Variants in MYT1L observed in about 807,000 individuals in gnomAD.
The protein encoded by MYT1L is myelin transcription factor 1 like.
Under a neutral mutation model 126.7 loss-of-function variants are expected in MYT1L, and 12 were observed. The observed-to-expected ratio is 0.09, with a 90% CI of 0.06 to 0.15. The LOEUF is 0.15. MYT1L is among the 10% of genes least tolerant of loss of function. MYT1L has a pLI of 1.00. For missense variants in MYT1L, 979 were observed against 1,585.2 expected (o/e 0.62, Z 6.49); for synonymous variants, 541 against 604.2 (o/e 0.90, Z 1.53).
At chr2:1,817,776 C>T (rs763914768) in intron 21 of MYT1L, among the ~76,000 whole-genome samples, 8 of 152,198 alleles carry the variant, frequency 5.3e-5, no homozygotes, top group Non-Finnish European at 1.2e-4. Context: ...GGTCAGCCCA[C>T]GGCTGGTCCC....
At chr2:1,932,279 G>T (rs1211946176) in intron 9 of MYT1L, among the ~76,000 whole-genome samples, 1 of 152,178 alleles carries the variant, frequency 6.6e-6, no homozygotes, top group African/African-American at 2.4e-5. Context: ...ACCTAGGTGA[G>T]ATATGGAGGT....
chr2:2,329,645 C>T (rs1220478183), intron 1 of MYT1L, among the ~76,000 whole-genome samples: 1 of 151,940 alleles, frequency 6.6e-6, no homozygotes, highest in Non-Finnish European at 1.5e-5. Flanking sequence ...TATATAACAA[C>T]TGTTATTGTT....
intron 4 of MYT1L, among the ~76,000 whole-genome samples, chr2:2,034,286 C>A (rs1308486196): frequency 4.0e-5 from 6 of 151,800 alleles, no homozygotes; most frequent in Non-Finnish European, 7.4e-5. Flanking sequence ...CCTAACTTCT[C>A]CCCATAATCT....
At chr2:1,850,812 C>T (rs895304631) in intron 19 of MYT1L, among the ~76,000 whole-genome samples, 8 of 152,086 alleles carry the variant, frequency 5.3e-5, no homozygotes, top group African/African-American at 9.7e-5. Flanking sequence ...TGGTGCTTCC[C>T]GTGGGGAATT....
chr2:1,936,445 G>A (rs1313057684), intron 9 of MYT1L, among the ~76,000 whole-genome samples: 1 of 152,156 alleles, frequency 6.6e-6, no homozygotes, highest in African/African-American at 2.4e-5. Context: ...GTACTTCAAC[G>A]TAGCTGCACA....
At chr2:2,260,202 T>G (rs1483275276) in intron 2 of MYT1L, among the ~76,000 whole-genome samples, 1 of 152,212 alleles carries the variant, frequency 6.6e-6, no homozygotes, top group African/African-American at 2.4e-5. Context: ...TGATGTGTGA[T>G]GCTGAAAAAT....
chr2:2,173,592 G>A (rs951844808), intron 2 of MYT1L, among the ~76,000 whole-genome samples: 11 of 152,120 alleles, frequency 7.2e-5, no homozygotes, highest in African/African-American at 2.7e-4. Context: ...GTTTTAATTT[G>A]AAGAAGAAAT....
chr2:2,157,444 T>C (rs2086914767), intron 3 of MYT1L, among the ~76,000 whole-genome samples: 2 of 152,206 alleles, frequency 1.3e-5, no homozygotes, highest in Non-Finnish European at 2.9e-5. Flanking sequence ...TTTTTGTCAC[T>C]TTTAGGGGAA....
At chr2:2,132,105 C>T (rs930269694) in intron 3 of MYT1L, among the ~76,000 whole-genome samples, 2 of 151,590 alleles carry the variant, frequency 1.3e-5, no homozygotes. Context: ...ATGGGGGTTT[C>T]ACCACATTGG....
At chr2:1,973,808 C>G (rs543546607) in intron 8 of MYT1L, among the ~76,000 whole-genome samples, 1 of 152,294 alleles carries the variant, frequency 6.6e-6, no homozygotes, top group Non-Finnish European at 1.5e-5. Flanking sequence ...CTGCATTAGG[C>G]AATGAGCTCA....
intron 18 of MYT1L, among the ~76,000 whole-genome samples, chr2:1,853,123 G>C (rs1420939168): frequency 6.6e-6 from 1 of 152,236 alleles, no homozygotes. Context: ...CTAGATCTCA[G>C]GGTATAGAAG....
At chr2:1,838,511 C>A (rs1453011120) in intron 21 of MYT1L, among the ~76,000 whole-genome samples, 1 of 152,172 alleles carries the variant, frequency 6.6e-6, no homozygotes, top group Non-Finnish European at 1.5e-5. Context: ...TCTTCCCCTC[C>A]ACCTCCTCAA....
Position 1,863,203 on chromosome 2 carries a change from C to G in MYT1L, c.2712-11500G>C, listed in dbSNP as rs550887749. Among the ~76,000 whole-genome samples, 218 of 152,258 alleles carry G rather than the reference C, an allele frequency of 1.4e-3. 1 individual carries two copies. Among genetic ancestry groups the G allele is most frequent in the Middle Eastern group, 0.014 (4 of 294 alleles). On this transcript the variant is annotated intron_variant, in intron 18 of 24. Coordinates refer to ENST00000647738, the MANE Select transcript of MYT1L (RefSeq NM_001303052.2). ...TCTATTGGGTGCCTTAACCAAAGAT[C>G]CCTAACTCAGGAGAACTGAGTGTGG... is the stretch of plus-strand genomic sequence containing the variant.
intron 3 of MYT1L, among the ~76,000 whole-genome samples, chr2:2,136,968 G>A (rs1275623474): frequency 6.6e-6 from 1 of 152,148 alleles, no homozygotes; most frequent in African/African-American, 2.4e-5. Context: ...ATCTCCTTAA[G>A]CTGATAAGAA....
At chr2:2,083,191 ACCTGC>A (rs748402203) in intron 3 of MYT1L, among the ~76,000 whole-genome samples, 1 of 152,230 alleles carries the variant, frequency 6.6e-6, no homozygotes, top group Non-Finnish European at 1.5e-5. Flanking sequence ...TTGAAGAAAT[ACCTGC>A]CCTTCCTAAG....
At chr2:2,075,274 G>A (rs2075088112) in intron 3 of MYT1L, among the ~76,000 whole-genome samples, 1 of 152,196 alleles carries the variant, frequency 6.6e-6, no homozygotes, top group South Asian at 2.1e-4. Context: ...CGTTCTTAGA[G>A]AGGATTCTAC....
intron 9 of MYT1L, among the ~76,000 whole-genome samples, chr2:1,928,929 G>T (rs1449779553): frequency 6.6e-6 from 1 of 152,132 alleles, no homozygotes; most frequent in African/African-American, 2.4e-5. Flanking sequence ...ATCTGCATGG[G>T]TAGGAGGGTG....
chr2:1,847,325 A>G (rs1479791155), intron 19 of MYT1L, among the ~76,000 whole-genome samples: 4 of 152,198 alleles, frequency 2.6e-5, no homozygotes, highest in African/African-American at 7.2e-5. Context: ...GCCATTCGGG[A>G]ACCGTAGAGG....
intron 23 of MYT1L, among the ~76,000 whole-genome samples, chr2:1,797,383 T>C (rs1455192251): frequency 2.0e-5 from 3 of 152,116 alleles, no homozygotes; most frequent in South Asian, 2.1e-4. Context: ...GCCACCACGC[T>C]AGGCTTTTTT....
Sources: allele counts gnomAD v4.1 joint callset (sites outside exome capture counted in the v4.1 genomes callset), GRCh38; gene constraint gnomAD v4.1.1; transcripts MANE v1.5; gene names NCBI Gene and HGNC (gene_info 2026-07-23, HGNC 2026-07-21).